The following SYBU variants were observed in gnomAD, a reference collection of about 807,000 sequenced individuals.
SYBU encodes syntabulin.
In SYBU, 21 loss-of-function variants were observed where a neutral mutation model predicts 35.9. The observed-to-expected ratio is 0.58, with a 90% CI of 0.41 to 0.84. The LOEUF is 0.84. SYBU is among the 40% of genes least tolerant of loss of function. The probability of loss-of-function intolerance (pLI) is 0.00; values close to 1 mark genes in which losing one functional copy is unlikely to be tolerated. For synonymous variants in SYBU, 319 were observed against 324.3 expected, an observed-to-expected ratio of 0.98 and a Z score of 0.18; for missense variants, 768 against 848.2, an observed-to-expected ratio of 0.91 and a Z score of 1.17.
intron 2 of SYBU, among the ~76,000 whole-genome samples, chr8:109,619,754 T>C (rs1812222545): frequency 6.6e-6 from 1 of 152,170 alleles, no homozygotes; most frequent in African/African-American, 2.4e-5. Flanking sequence ...ATTGACCACA[T>C]CCAGTTTTGG....
At chr8:109,665,213 C>T (rs923519347) in intron 1 of SYBU, among the ~76,000 whole-genome samples, 6 of 152,114 alleles carry the variant, frequency 3.9e-5, no homozygotes, top group Non-Finnish European at 7.4e-5. Context: ...AATATTATTT[C>T]GGTATGTAAC....
chr8:109,658,213 G>A (rs1487159079), intron 1 of SYBU, among the ~76,000 whole-genome samples: 1 of 152,160 alleles, frequency 6.6e-6, no homozygotes, highest in Non-Finnish European at 1.5e-5. Context: ...GGTGGCTCTG[G>A]ATTCTCACTT....
chr8:109,601,988 G>A (rs1427824992), intron 3 of SYBU, among the ~76,000 whole-genome samples: 1 of 152,172 alleles, frequency 6.6e-6, no homozygotes, highest in Non-Finnish European at 1.5e-5. Flanking sequence ...ATATCTGAAG[G>A]AGAGACTGGA....
chr8:109,606,516 C>A (rs1471037218), intron 3 of SYBU, among the ~76,000 whole-genome samples: 2 of 152,032 alleles, frequency 1.3e-5, no homozygotes, highest in African/African-American at 2.4e-5. Context: ...CATTGCAGAT[C>A]CACTGAGAAA....
chr8:109,606,961 A>C (rs996778120), intron 3 of SYBU, among the ~76,000 whole-genome samples: 6 of 152,212 alleles, frequency 3.9e-5, no homozygotes, highest in African/African-American at 1.4e-4. Context: ...AATATAGTAT[A>C]TGTTTTGCTT....
intron 2 of SYBU, among the ~76,000 whole-genome samples, chr8:109,624,066 T>G (rs1028148687): frequency 1.4e-4 from 21 of 152,116 alleles, no homozygotes; most frequent in African/African-American, 4.8e-4. Flanking sequence ...TAAAGACTAA[T>G]GGGAACCAAC....
upstream of SYBU, among the ~76,000 whole-genome samples, chr8:109,683,291 G>A (rs960260916): frequency 6.6e-6 from 1 of 152,236 alleles, no homozygotes; most frequent in Admixed American, 6.5e-5. Flanking sequence ...CACAGGGGCA[G>A]AGCTGCCCAA....
intron 2 of SYBU, among the ~76,000 whole-genome samples, chr8:109,622,185 CT>C (rs1812478130): frequency 2.4e-5 from 2 of 85,046 alleles, no homozygotes; most frequent in Non-Finnish European, 4.4e-5. Flanking sequence ...ATATGAGTAT[CT>C]ATCTATCTAT....
chr8:109,667,794 G>A (rs1306827492), intron 1 of SYBU, among the ~76,000 whole-genome samples: 2 of 152,000 alleles, frequency 1.3e-5, no homozygotes, highest in Non-Finnish European at 2.9e-5. Context: ...TGTTGTTTAT[G>A]TGTTTTGTTT....
chr8:109,622,030 T>C (rs1440801444), intron 2 of SYBU, among the ~76,000 whole-genome samples: 4 of 152,206 alleles, frequency 2.6e-5, no homozygotes, highest in Non-Finnish European at 4.4e-5. Flanking sequence ...TTCCTCTTCA[T>C]GGCCGGTTGG....
chr8:109,652,147 G>A (rs1327725689), intron 1 of SYBU, among the ~76,000 whole-genome samples: 3 of 152,234 alleles, frequency 2.0e-5, no homozygotes, highest in African/African-American at 7.2e-5. Flanking sequence ...ACCATCAGCT[G>A]ATAAACTATT....
chr8:109,645,005 G>C (rs1337391934), upstream of SYBU: 3 of 488,736 alleles, frequency 6.1e-6, no homozygotes, highest in Admixed American at 8.7e-5. Context: ...CCCAGCCAGA[G>C]CCGGTGTCCC....
chr8:109,577,549 G>C (rs756264840), intron 6 of SYBU, among the ~76,000 whole-genome samples: 19 of 151,926 alleles, frequency 1.3e-4, no homozygotes, highest in Non-Finnish European at 2.5e-4. Context: ...ACGTGTTTTT[G>C]CCATTTAAAA....
chr8:109,608,723 C>T (rs1810852885), intron 3 of SYBU, among the ~76,000 whole-genome samples: 3 of 152,130 alleles, frequency 2.0e-5, no homozygotes, highest in East Asian at 1.9e-4. Context: ...CATTCAAATG[C>T]CTTAAAGTTG....
intron 6 of SYBU, among the ~76,000 whole-genome samples, chr8:109,577,034 G>A (rs1042578172): frequency 3.9e-5 from 6 of 152,122 alleles, no homozygotes; most frequent in Non-Finnish European, 8.8e-5. Context: ...GTCTATTTCA[G>A]ACAGATGATG....
At chr8:109,666,135 C>G (rs1288970017) in intron 1 of SYBU, among the ~76,000 whole-genome samples, 1 of 152,198 alleles carries the variant, frequency 6.6e-6, no homozygotes, top group Admixed American at 6.5e-5. Flanking sequence ...AACACCATGG[C>G]AACTGCTGTG....
At chr8:109,592,767 C>A (rs955229256) in intron 3 of SYBU, among the ~76,000 whole-genome samples, 3 of 152,202 alleles carry the variant, frequency 2.0e-5, no homozygotes, top group Non-Finnish European at 1.5e-5. Flanking sequence ...AGTTGTGTAT[C>A]TTGACCAAGT....
intron 2 of SYBU, among the ~76,000 whole-genome samples, chr8:109,626,929 C>A (rs1307349096): frequency 6.6e-6 from 1 of 152,188 alleles, no homozygotes; most frequent in Non-Finnish European, 1.5e-5. Flanking sequence ...AAATTACAAC[C>A]ATTAATAAAA....
At chr8:109,657,006 T>C (rs1157728567) in intron 1 of SYBU, among the ~76,000 whole-genome samples, 1 of 152,184 alleles carries the variant, frequency 6.6e-6, no homozygotes, top group African/African-American at 2.4e-5. Context: ...CATAAAGACA[T>C]GGCAAAAGAA....
Sources: gnomAD v4.1 joint callset for allele counts (sites outside exome capture counted in the v4.1 genomes callset) on GRCh38, gnomAD v4.1.1 for gene constraint, MANE v1.5 for transcripts, NCBI Gene and HGNC (gene_info 2026-07-23, HGNC 2026-07-21) for gene names.